The following ADAMTSL1 variants were observed in gnomAD, a reference collection of about 807,000 sequenced individuals.
The protein encoded by ADAMTSL1 is ADAMTS-like protein 1.
Under a neutral mutation model 201.8 loss-of-function variants are expected in ADAMTSL1, and 126 were observed. The ratio of observed to expected loss-of-function variants is 0.62; its 90% CI spans 0.54 to 0.72. The LOEUF (loss-of-function observed/expected upper bound fraction) is 0.72. Among genes scored for constraint, ADAMTSL1 ranks in the 30% least tolerant of loss-of-function variants. The pLI, the probability that ADAMTSL1 is intolerant of heterozygous loss-of-function variation, is 0.00. For missense variants in ADAMTSL1, 2,679 were observed against 2,277.8 expected, an observed-to-expected ratio of 1.18 and a Z score of -3.59; for synonymous variants, 1,121 against 903.4, an observed-to-expected ratio of 1.24 and a Z score of -4.32.
intron 1 of ADAMTSL1, among the ~76,000 whole-genome samples, chr9:18,015,003 A>G (rs1016940860): frequency 1.3e-5 from 2 of 152,080 alleles, no homozygotes; most frequent in African/African-American, 4.8e-5. Flanking sequence ...GTGGTAATAT[A>G]AATAATAGCA....
intron 2 of ADAMTSL1, among the ~76,000 whole-genome samples, chr9:18,315,756 C>T (rs1023584194): frequency 1.3e-5 from 2 of 152,208 alleles, no homozygotes; most frequent in South Asian, 2.1e-4. Flanking sequence ...CCGGCCTCAG[C>T]CAACCTAGAG....
intron 1 of ADAMTSL1, among the ~76,000 whole-genome samples, chr9:18,038,482 A>G (rs768760217): frequency 1.4e-4 from 22 of 152,228 alleles, no homozygotes; most frequent in Non-Finnish European, 2.9e-4. Flanking sequence ...TTGAAAGCAT[A>G]AAACACATTG....
chr9:18,347,723 T>C (rs1423408510), intron 2 of ADAMTSL1, among the ~76,000 whole-genome samples: 1 of 152,176 alleles, frequency 6.6e-6, no homozygotes. Context: ...GCCTTTTTGC[T>C]CATGCCATTT....
chr9:18,786,410 C>T (rs574240150), intron 19 of ADAMTSL1, among the ~76,000 whole-genome samples: 1 of 152,308 alleles, frequency 6.6e-6, no homozygotes, highest in Admixed American at 6.5e-5. Flanking sequence ...GGCACAAATC[C>T]CAGTTCTGCC....
chr9:18,218,024 G>T (rs529249860), intron 2 of ADAMTSL1, among the ~76,000 whole-genome samples: 1 of 152,238 alleles, frequency 6.6e-6, no homozygotes, highest in East Asian at 1.9e-4. Context: ...TATTGATGTG[G>T]AAGCAGGAAT....
At chr9:17,912,961 G>A (rs529418452) in intron 1 of ADAMTSL1, among the ~76,000 whole-genome samples, 2 of 152,202 alleles carry the variant, frequency 1.3e-5, no homozygotes, top group African/African-American at 4.8e-5. Flanking sequence ...CCCATTGCTT[G>A]TTTTTCTCAG....
At chr9:18,587,979 A>G (rs1486828006) in intron 4 of ADAMTSL1, among the ~76,000 whole-genome samples, 1 of 152,134 alleles carries the variant, frequency 6.6e-6, no homozygotes, top group Non-Finnish European at 1.5e-5. Context: ...TTTCATTTGG[A>G]TATATAACCA....
intron 23 of ADAMTSL1, among the ~76,000 whole-genome samples, chr9:18,856,932 C>G (rs999176939): frequency 5.3e-5 from 8 of 152,136 alleles, no homozygotes; most frequent in Non-Finnish European, 1.0e-4. Context: ...GCAACACATT[C>G]AAAGAACTGT....
In ADAMTSL1 at chr9:18,657,861, A is replaced by G; in HGVS notation, c.946+111A>G. ...AAGAAATTTTGTGCTGTCTTGGACC[A>G]GATCCTTTCTTCTGAACAGAGTGGA... is the stretch of plus-strand genomic sequence containing the variant. On this transcript the variant is annotated intron_variant, in intron 8 of 28. Coordinates refer to ENST00000380548, the MANE Select transcript of ADAMTSL1 (RefSeq NM_001040272.6). 4.7e-6 allele frequency: 4 copies of G among 848,462 alleles called. No individual in the cohort carries two copies. In the South Asian group the frequency reaches 6.4e-5, roughly 13 times the overall value. 52.6% of individuals were successfully genotyped at this position (848,462 alleles called of 1,614,324 possible).
At chr9:18,585,627 A>G (rs1324610719) in intron 4 of ADAMTSL1, among the ~76,000 whole-genome samples, 1 of 152,114 alleles carries the variant, frequency 6.6e-6, no homozygotes, top group Non-Finnish European at 1.5e-5. Flanking sequence ...TGATACCAAA[A>G]CCTGGCAGAG....
chr9:17,944,656 T>A (rs1433539558), intron 1 of ADAMTSL1, among the ~76,000 whole-genome samples: 2 of 140,684 alleles, frequency 1.4e-5, no homozygotes, highest in African/African-American at 5.3e-5. Flanking sequence ...TCAGAAATAA[T>A]GCCGCATATC....
At chr9:18,635,759 T>C (rs1335810778) in intron 5 of ADAMTSL1, among the ~76,000 whole-genome samples, 184 bp from the exon 6 acceptor site, 1 of 152,232 alleles carries the variant, frequency 6.6e-6, no homozygotes, top group Non-Finnish European at 1.5e-5. Flanking sequence ...GTGACTAGCA[T>C]CTTTGGCATA....
intron 2 of ADAMTSL1, among the ~76,000 whole-genome samples, chr9:18,284,249 A>G (rs2132644508): frequency 6.6e-6 from 1 of 152,288 alleles, no homozygotes; most frequent in Non-Finnish European, 1.5e-5. Flanking sequence ...AAATAAAAAA[A>G]GAATTAAAAA....
intron 1 of ADAMTSL1, among the ~76,000 whole-genome samples, chr9:18,483,164 C>G (rs1821814725): frequency 6.6e-6 from 1 of 152,060 alleles, no homozygotes; most frequent in South Asian, 2.1e-4. Context: ...ATCTCTAGCA[C>G]CAGACAAAGA....
chr9:18,296,757 C>T (rs1833493105), intron 2 of ADAMTSL1, among the ~76,000 whole-genome samples: 1 of 152,140 alleles, frequency 6.6e-6, no homozygotes, highest in African/African-American at 2.4e-5. Context: ...CAGGATTGAG[C>T]ATTTTACTGT....
chr9:18,693,015 C>T (rs1482130788), intron 13 of ADAMTSL1, among the ~76,000 whole-genome samples: 2 of 152,188 alleles, frequency 1.3e-5, no homozygotes, highest in African/African-American at 4.8e-5. Flanking sequence ...GTATCTGCTA[C>T]GTGGAGTGAG....
chr9:18,128,981 C>G (rs748153806), intron 1 of ADAMTSL1, among the ~76,000 whole-genome samples: 1 of 152,146 alleles, frequency 6.6e-6, no homozygotes, highest in Non-Finnish European at 1.5e-5. Flanking sequence ...TCTATAAAGT[C>G]TTCTATAAAA....
At chr9:17,921,182 T>C (rs975536156) in intron 1 of ADAMTSL1, among the ~76,000 whole-genome samples, 6 of 152,330 alleles carry the variant, frequency 3.9e-5, no homozygotes, top group African/African-American at 1.4e-4. Context: ...TAAAGGATTT[T>C]CTCAATTTTA....
Position 18,384,768 on chromosome 9 carries a change from G to A in ADAMTSL1, c.208-120061G>A, listed in dbSNP as rs141005877. Among the ~76,000 whole-genome samples the A allele has an allele frequency of 1.0e-3, 156 of 152,164 alleles. 2 individuals are homozygous for A. Among genetic ancestry groups the A allele is most frequent in the African/African-American group, 3.7e-3 (154 of 41,522 alleles). On this transcript the variant is annotated intron_variant, in intron 2 of 29. Coordinates refer to the ADAMTSL1 transcript ENST00000680146. ...TTCCTCCTCCACTCGTCACTACAGAGCACCTTAATGCGGAAATGTTCTCCT... is the reference window on the plus strand; with the variant it reads ...TTCCTCCTCCACTCGTCACTACAGAACACCTTAATGCGGAAATGTTCTCCT...
Sources: allele counts gnomAD v4.1 joint callset (sites outside exome capture counted in the v4.1 genomes callset), GRCh38; gene constraint gnomAD v4.1.1; transcripts MANE v1.5; gene names NCBI Gene and HGNC (gene_info 2026-07-23, HGNC 2026-07-21).